COL9A2: variants seen among roughly 807,000 people sequenced by gnomAD.
COL9A2 encodes collagen alpha-2(IX) chain.
A neutral mutation model predicts 111.6 loss-of-function variants in COL9A2; 66 were observed. The observed-to-expected ratio is 0.59, with a 90% CI of 0.48 to 0.73. The LOEUF is 0.73. Ranked by LOEUF, COL9A2 falls within the 30% of genes least tolerant of loss-of-function variation. The pLI is 0.00. For missense variants in COL9A2, 881 were observed against 954.1 expected, an observed-to-expected ratio of 0.92 and a Z score of 1.01; for synonymous variants, 353 against 364.1, an observed-to-expected ratio of 0.97 and a Z score of 0.35.
chr1:40,313,251 C>T (rs1354552212), intron 4 of COL9A2, among the ~76,000 whole-genome samples: 1 of 152,080 alleles, frequency 6.6e-6, no homozygotes, highest in African/African-American at 2.4e-5. Context: ...TCACTGCAAC[C>T]CCCGCTTCCT....
chr1:40,314,069 G>A lies in COL9A2; in HGVS notation c.249+136C>T. On this transcript the variant is annotated intron_variant, in intron 4 of 31. Transcript: ENST00000372748. The surrounding 1 kb of genome is among the most constrained non-coding windows in gnomAD (Gnocchi z 4.1). The stretch of plus-strand genomic sequence containing the variant: ...CCAGGAAGGTCACAAGTCATATCAA[G>A]GTGAGGGGGGCTCACAGCTGGAGAA... The A allele has an allele frequency of 1.0e-6, 1 of 982,728 alleles. No homozygotes were observed. The highest frequency in any genetic ancestry group is 1.6e-6 in the Non-Finnish European group (1 of 609,460). The allele number at this position is 982,728 out of a possible 1,614,324, so 60.9% of individuals were successfully genotyped here.
In COL9A2 at chr1:40,307,661, G is replaced by A. The variant is rs1228752659; in HGVS notation, c.954+42C>T. 3 of 1,611,458 alleles carry A rather than the reference G, an allele frequency of 1.9e-6. No homozygotes were observed. The highest frequency in any genetic ancestry group is 2.5e-6 in the Non-Finnish European group (3 of 1,178,146). On this transcript the variant is annotated intron_variant, in intron 18 of 31. Coordinates refer to ENST00000372748, the MANE Select transcript of COL9A2 (RefSeq NM_001852.4). The surrounding 1 kb of genome is among the most constrained non-coding windows in gnomAD (Gnocchi z 4.8). The stretch of plus-strand genomic sequence containing the variant: ...TGGTGTCTAGAATCCAGGACTCAAG[G>A]TCCTGCCCCTGCCCCAGTCCCATCA...
Position 40,303,565 on chromosome 1 carries a change from C to T in COL9A2, c.1513G>A (p.Gly505Ser). Residue 505 changes from glycine to serine, a missense_variant, in exon 28 of 32, where the codon GGC becomes AGC. Coordinates refer to ENST00000372748, the MANE Select transcript of COL9A2 (RefSeq NM_001852.4). This position sits in a 1 kb window ranked among gnomAD's most constrained non-coding sequence, Gnocchi z 4.6. The stretch of plus-strand genomic sequence containing the variant: ...TGTCTCCCGGGCTGTCCTGGCACGC[C>T]TCGGTTCCCGGCCAGTCCTCGAGGG... ...PGPRGLAGNR[G>S]VPGQPGRQGV... The T allele has an allele frequency of 1.2e-6, 2 of 1,611,502 alleles. No homozygotes were observed. The highest frequency in any genetic ancestry group is 1.7e-6 in the Non-Finnish European group (2 of 1,179,426).
rs1275657252 is a variant in COL9A2 at position 40,304,187 on chromosome 1, C to CTCTT, written c.1288-89_1288-88insAAGA. 97 of 1,515,058 alleles carry CTCTT rather than the reference C, an allele frequency of 6.4e-5. No homozygotes were observed. In the South Asian group the frequency reaches 1.0e-3, roughly 16 times the overall value. 93.9% of individuals were successfully genotyped at this position (1,515,058 alleles called of 1,614,324 possible). A position where few individuals can be genotyped will look rare whatever the true frequency, so the allele number is the denominator to read the frequency against. ...CTTTCGGCCACACCCCTCTTTCCAA[C>CTCTT]TCCGCCTCGCCGACCAGACCAGAAC... On this transcript the variant is annotated intron_variant, in intron 24 of 31. Coordinates refer to ENST00000372748, the MANE Select transcript of COL9A2 (RefSeq NM_001852.4).
Position 40,314,114 on chromosome 1 carries a change from C to A in COL9A2, c.249+91G>T. ...GGAGAATCTCCATCCTGCTGCCCAT[C>A]TCTGAACAGATCAGTGAAGATGCCA... is the stretch of plus-strand genomic sequence containing the variant. On this transcript the variant is annotated intron_variant, in intron 4 of 31. Transcript: ENST00000372748. The surrounding 1 kb of genome is among the most constrained non-coding windows in gnomAD (Gnocchi z 4.1). The A allele has an allele frequency of 1.5e-6, 2 of 1,368,744 alleles. No individual in the cohort carries two copies. Among genetic ancestry groups the A allele is most frequent in the Non-Finnish European group, 1.0e-6 (1 of 957,988 alleles). 84.8% of individuals were successfully genotyped at this position (1,368,744 alleles called of 1,614,324 possible). A position where few individuals can be genotyped will look rare whatever the true frequency, so the allele number is the denominator to read the frequency against.
Position 40,315,941 on chromosome 1 carries a change from T to A in COL9A2, c.76-277A>T. ...GTGAAGGGTCCATGGTCACTGAGAG[T>A]GGGCGGCGGCGCCAGGAGTCCGCCC... On this transcript the variant is annotated intron_variant, in intron 1 of 31. Coordinates refer to ENST00000372748, the MANE Select transcript of COL9A2 (RefSeq NM_001852.4). The A allele has an allele frequency of 2.8e-6, 1 of 362,444 alleles. No homozygotes were observed. The highest frequency in any genetic ancestry group is 5.0e-6 in the Non-Finnish European group (1 of 200,144). 22.5% of individuals were successfully genotyped at this position (362,444 alleles called of 1,614,324 possible). A position where few individuals can be genotyped will look rare whatever the true frequency, so the allele number is the denominator to read the frequency against.
At chr1:40,313,952 G>A (rs750093691) in intron 4 of COL9A2, among the ~76,000 whole-genome samples, 1 of 152,164 alleles carries the variant, frequency 6.6e-6, no homozygotes, top group Non-Finnish European at 1.5e-5. Flanking sequence ...CTGCTGAGGG[G>A]TAGCAGGAGG....
intron 24 of COL9A2, 84 bp from the exon 25 acceptor site, chr1:40,304,183 C>T (rs1475336899): frequency 4.0e-6 from 6 of 1,515,134 alleles, no homozygotes; most frequent in Non-Finnish European, 3.5e-6. Context: ...ACCCCTCTTT[C>T]CAACTCCGCC....
rs760311046 is a variant in COL9A2 at position 40,301,839 on chromosome 1, C to T, written c.1843G>A (p.Gly615Arg). The T allele has an allele frequency of 6.8e-5, 109 of 1,614,000 alleles. No homozygotes were observed. The highest frequency in any genetic ancestry group is 8.2e-5 in the Non-Finnish European group (97 of 1,180,010). Residue 615 changes from glycine (G) to arginine (R), a missense_variant, in exon 31 of 32, where the codon GGG becomes AGG. Coordinates refer to ENST00000372748, the MANE Select transcript of COL9A2 (RefSeq NM_001852.4). The part of the protein sequence containing the change: ...DPGEVGRGHP[G>R]MPGPPGIPGL... ...GGGATCCCTGGGGGCCCAGGCATCC[C>T]GGGGTGCCCCCGTCCCACTTCTCCT... is the stretch of plus-strand genomic sequence containing the variant.
At chr1:40,301,486 C>A in intron 31 of COL9A2, 105 bp from the exon 32 acceptor site, 1 of 972,882 alleles carries the variant, frequency 1.0e-6, no homozygotes, top group African/African-American at 1.6e-5. Context: ...GCCAAAACAC[C>A]ATAGGAGAAA....
In COL9A2 at chr1:40,301,125, G is replaced by A. The variant is rs1643907910; in HGVS notation, c.*57C>T. 9.4e-6 allele frequency: 15 copies of A among 1,590,766 alleles called. No individual in the cohort carries two copies. The highest frequency in any genetic ancestry group is 1.3e-5 in the Non-Finnish European group (15 of 1,161,792). On this transcript the variant is annotated 3_prime_UTR_variant, in exon 32 of 32. Transcript: ENST00000372748. ...CTGGGGATGGGTGCATGTCCACCCA[G>A]AGGGGACCTGGTCCTTCCCGCCAGG...
Position 40,314,401 on chromosome 1 carries a change from G to A in COL9A2, c.151-14C>T, listed in dbSNP as rs1398765790. ...CCCATTGTCACCCTGCAAGATACAAGTTGGTGAGACAGCACACTACGGCTC... is the reference window on the plus strand; with the variant it reads ...CCCATTGTCACCCTGCAAGATACAAATTGGTGAGACAGCACACTACGGCTC... On this transcript the variant is annotated splice_polypyrimidine_tract_variant and intron_variant, in intron 2 of 31. Transcript: ENST00000372748. This position sits in a 1 kb window ranked among gnomAD's most constrained non-coding sequence, Gnocchi z 4.1. 1.2e-6 allele frequency: 2 copies of A among 1,614,072 alleles called. No individual in the cohort carries two copies. The highest frequency in any genetic ancestry group is 2.7e-5 in the African/African-American group (2 of 74,920).
Position 40,302,813 on chromosome 1 carries a change from G to A in COL9A2, c.1604-4C>T. 2 of 1,168,210 alleles carry A rather than the reference G, an allele frequency of 1.7e-6. No individual in the cohort carries two copies. Among genetic ancestry groups the A allele is most frequent in the Non-Finnish European group, 2.3e-6 (2 of 861,890 alleles). The allele number at this position is 1,168,210 out of a possible 1,614,324, so 72.4% of individuals were successfully genotyped here. Reference sequence around the variant, plus strand: ...ACGGCGACCTCTGCCAGTTGCTCTGGAGGGAGGGAGGGAGGGAGGGAGAGG... The same window carrying A: ...ACGGCGACCTCTGCCAGTTGCTCTGAAGGGAGGGAGGGAGGGAGGGAGAGG... On this transcript the variant is annotated splice_polypyrimidine_tract_variant and splice_region_variant and intron_variant, in intron 29 of 31. Coordinates refer to ENST00000372748, the MANE Select transcript of COL9A2 (RefSeq NM_001852.4). This position sits in a 1 kb window ranked among gnomAD's most constrained non-coding sequence, Gnocchi z 4.5.
intron 1 of COL9A2, 123 bp from the exon 2 acceptor site, chr1:40,315,787 A>AT: frequency 1.6e-6 from 1 of 640,096 alleles, no homozygotes; most frequent in East Asian, 2.8e-5. Context: ...ACTCCCACGT[A>AT]TTGAGAATCT....
intron 17 of COL9A2, 24 bp downstream of exon 17, chr1:40,308,168 T>C: frequency 6.2e-7 from 1 of 1,612,268 alleles, no homozygotes. Context: ...TCTGTCCTGG[T>C]GGGCCTAGGC....
rs1643900965 is a variant in COL9A2 at position 40,300,547 on chromosome 1, G to A, written c.*635C>T. On this transcript the variant is annotated 3_prime_UTR_variant, in exon 32 of 32. Transcript: ENST00000372748. The surrounding 1 kb of genome is among the most constrained non-coding windows in gnomAD (Gnocchi z 4.4). ...ATCCTGGTTTGTACCCAACTTGGGAGCTTTTATTTACAGAAAGGCCTGGGT... is the reference window on the plus strand; with the variant it reads ...ATCCTGGTTTGTACCCAACTTGGGAACTTTTATTTACAGAAAGGCCTGGGT... 1 of 152,448 alleles carries A rather than the reference G, an allele frequency of 6.6e-6. No individual in the cohort carries two copies. The highest frequency in any genetic ancestry group is 2.1e-4 in the South Asian group (1 of 4,840). 9.4% of individuals were successfully genotyped at this position (152,448 alleles called of 1,614,324 possible).
Position 40,303,473 on chromosome 1 carries a change from G to A in COL9A2, c.1548+57C>T. The A allele has an allele frequency of 1.9e-6, 3 of 1,605,042 alleles. No individual in the cohort carries two copies. The highest frequency in any genetic ancestry group is 4.5e-5 in the East Asian group (2 of 44,706). ...ATCCCTAGCCTTTGGCGGGTAAGCC[G>A]CACCCCAGAACAGATCTACCTAGAA... On this transcript the variant is annotated intron_variant, in intron 28 of 31. Transcript: ENST00000372748. The surrounding 1 kb of genome is among the most constrained non-coding windows in gnomAD (Gnocchi z 4.6).
rs1001972451 is a variant in COL9A2, at chr1:40,300,909, G to A, written c.*273C>T. ...ATGTTTGTTTTGGTAACAGCCGAAT[G>A]ATGCTCGCTGGAAGGAAAGCCGCCC... is the stretch of plus-strand genomic sequence containing the variant. On this transcript the variant is annotated 3_prime_UTR_variant, in exon 32 of 32. Transcript: ENST00000372748. The surrounding 1 kb of genome is among the most constrained non-coding windows in gnomAD (Gnocchi z 4.4). The A allele has an allele frequency of 1.7e-5, 8 of 464,100 alleles. No individual in the cohort carries two copies. The highest frequency in any genetic ancestry group is 2.7e-5 in the Non-Finnish European group (7 of 255,302). 28.7% of individuals were successfully genotyped at this position (464,100 alleles called of 1,614,324 possible). A position where few individuals can be genotyped will look rare whatever the true frequency, so the allele number is the denominator to read the frequency against.
chr1:40,311,663 G>T lies in COL9A2; in HGVS notation c.470C>A (p.Pro157His), dbSNP rs775879938. ...PSGPPGPPGKPGRPGTIQGLE... is the reference protein window; with the variant it reads ...PSGPPGPPGKHGRPGTIQGLE... ...TGTCGGGGGTCTGGGGACACTTACA[G>T]GTTTCCCAGGGGGTCCTGGGGGCCC... is the stretch of plus-strand genomic sequence containing the variant. Residue 157 changes from proline to histidine, a missense_variant and splice_region_variant, in exon 9 of 32, where the codon CCT becomes CAT. Pro to His is a moderately conservative substitution (Grantham distance 77). Transcript: ENST00000372748. The surrounding 1 kb of genome is among the most constrained non-coding windows in gnomAD (Gnocchi z 5.1). 3 of 1,613,990 alleles carry T rather than the reference G, an allele frequency of 1.9e-6. No individual in the cohort carries two copies. In the Admixed American group the frequency reaches 5.0e-5, roughly 27 times the overall value.
Sources: gnomAD v4.1 joint callset for allele counts (sites outside exome capture counted in the v4.1 genomes callset) on GRCh38, gnomAD v4.1.1 for gene constraint, Gnocchi (gnomAD v3.1) non-coding constraint, MANE v1.5 for transcripts, NCBI Gene and HGNC (gene_info 2026-07-23, HGNC 2026-07-21) for gene names.